IQUB: variants seen among roughly 807,000 people sequenced by gnomAD.
IQUB encodes the protein IQ motif and ubiquitin-like domain-containing protein.
Under a neutral mutation model 86.4 loss-of-function variants are expected in IQUB, and 86 were observed. That is an observed-to-expected ratio of 1.00 (90% CI 0.84 to 1.19). IQUB has a LOEUF of 1.19. Among genes scored for constraint, IQUB ranks in the 50% most tolerant of loss-of-function variants. The pLI is 0.00. For missense variants in IQUB, 946 were observed against 916.9 expected, an observed-to-expected ratio of 1.03 and a Z score of -0.41; for synonymous variants, 289 against 304.5, an observed-to-expected ratio of 0.95 and a Z score of 0.53.
Position 123,523,251 on chromosome 7 carries a change from A to C in IQUB, c.-4-10907T>G, listed in dbSNP as rs367987506. Among the ~76,000 whole-genome samples the C allele has an allele frequency of 4.8e-5, 7 of 144,460 alleles. No homozygotes were observed. The South Asian group carries it at 1.5e-3, about 32-fold the overall frequency. 94.8% of individuals were successfully genotyped at this position (144,460 alleles called of 152,430 possible). On this transcript the variant is annotated intron_variant, in intron 1 of 12. Coordinates refer to ENST00000324698, the MANE Select transcript of IQUB (RefSeq NM_178827.5). ...GGATGGCTGGGTCAATGGTATTTCTAGTTCTAGATCCCTGAGGAATCGCCA... is the reference window on the plus strand; with the variant it reads ...GGATGGCTGGGTCAATGGTATTTCTCGTTCTAGATCCCTGAGGAATCGCCA...
At chr7:123,472,595 T>C (rs2117036251) in intron 8 of IQUB, among the ~76,000 whole-genome samples, 1 of 152,296 alleles carries the variant, frequency 6.6e-6, no homozygotes, top group African/African-American at 2.4e-5. Context: ...AACTAGGAGT[T>C]AGCCAGATTA....
intron 8 of IQUB, among the ~76,000 whole-genome samples, chr7:123,478,332 A>G (rs979387014): frequency 6.6e-6 from 1 of 152,080 alleles, no homozygotes; most frequent in Non-Finnish European, 1.5e-5. Context: ...ACAAAAAACC[A>G]AACACCACAT....
intron 10 of IQUB, among the ~76,000 whole-genome samples, chr7:123,463,298 C>T (rs117546089): frequency 0.018 from 2,769 of 151,638 alleles, 36 homozygotes; most frequent in Middle Eastern, 0.048. Flanking sequence ...AGGAATTTAC[C>T]CCAAAACAAT....
chr7:123,504,494 G>A (rs943420585), intron 3 of IQUB, among the ~76,000 whole-genome samples: 3 of 152,052 alleles, frequency 2.0e-5, no homozygotes, highest in African/African-American at 7.2e-5. Context: ...CATTCCACAG[G>A]CTGTATGGGA....
intron 7 of IQUB, among the ~76,000 whole-genome samples, chr7:123,484,093 A>G (rs1795117014): frequency 6.6e-6 from 1 of 152,070 alleles, no homozygotes; most frequent in Non-Finnish European, 1.5e-5. Flanking sequence ...CATCTTGGTC[A>G]GGTCTAACAC....
intron 8 of IQUB, among the ~76,000 whole-genome samples, chr7:123,476,108 T>C (rs1260258577): frequency 1.3e-5 from 2 of 152,186 alleles, no homozygotes; most frequent in East Asian, 3.9e-4. Context: ...AGAACTGTGC[T>C]AAGATATGAG....
chr7:123,526,624 C>T (rs866674237), intron 1 of IQUB, among the ~76,000 whole-genome samples: 11 of 151,296 alleles, frequency 7.3e-5, no homozygotes, highest in Admixed American at 2.0e-4. Context: ...CTGAATACAG[C>T]ACACTGATGG....
chr7:123,466,479 ATCTCTGTCTTTCAAGGTGGG>A (rs1346045000), intron 9 of IQUB, among the ~76,000 whole-genome samples: 2 of 151,936 alleles, frequency 1.3e-5, no homozygotes, highest in Admixed American at 1.3e-4. Context: ...CTCCCTACCT[ATCTCTGTCTTTCAAGGTGGG>A]TCACTACACA....
chr7:123,495,744 C>G (rs1795684079), intron 7 of IQUB, among the ~76,000 whole-genome samples: 1 of 152,130 alleles, frequency 6.6e-6, no homozygotes, highest in Non-Finnish European at 1.5e-5. Flanking sequence ...AAGCTAGAGA[C>G]AGTTGCATTA....
chr7:123,489,528 G>A (rs1554357763), intron 7 of IQUB, among the ~76,000 whole-genome samples: 2 of 151,390 alleles, frequency 1.3e-5, no homozygotes, highest in Non-Finnish European at 2.9e-5. Context: ...TACTAAAATG[G>A]AAAAAATATT....
Position 123,469,304 on chromosome 7 carries a change from C to T in IQUB, c.1491G>A (p.Glu497=), listed in dbSNP as rs1184989392. The change falls in exon 9 of 13, where the codon GAG becomes GAA. Residue 497 remains glutamate, a synonymous_variant. Coordinates refer to ENST00000324698, the MANE Select transcript of IQUB (RefSeq NM_178827.5). ...TAATGCACTTATAGATATTTTGCAG[C>T]TCTCTGGCTCTGATGGTGAACTGCG... is the stretch of plus-strand genomic sequence containing the variant. ...MDTQFTIRAR[E]LQNIYKCIML... is the part of the protein sequence containing the mutation. 3 of 1,609,776 alleles carry T rather than the reference C, an allele frequency of 1.9e-6. No individual in the cohort carries two copies. Among genetic ancestry groups the T allele is most frequent in the African/African-American group, 2.7e-5 (2 of 74,830 alleles).
chr7:123,463,424 G>A (rs1262202124), intron 10 of IQUB, among the ~76,000 whole-genome samples: 2 of 151,668 alleles, frequency 1.3e-5, no homozygotes, highest in Non-Finnish European at 1.5e-5. Flanking sequence ...AAGAACTCTT[G>A]TATATCCAGA....
In IQUB at chr7:123,479,959, C is replaced by A; in HGVS notation, c.1246G>T (p.Glu416Ter). 1 of 1,608,052 alleles carries A rather than the reference C, an allele frequency of 6.2e-7. No individual in the cohort carries two copies. Among genetic ancestry groups the A allele is most frequent in the Non-Finnish European group, 8.5e-7 (1 of 1,178,022 alleles). The change falls in exon 8 of 13, where the codon GAA (glutamate) becomes TAA (stop). Residue 416 changes from glutamate (E) to a stop codon, truncating the protein, a stop_gained. Coordinates refer to ENST00000324698, the MANE Select transcript of IQUB (RefSeq NM_178827.5). LOFTEE classifies it high-confidence loss of function. ...LYNALEFWRQ[E>*]ELTRINQSFT... ...GATTGGTTAATACGTGTAAGTTCTT[C>A]TTGCCGCCAGACTAGAGGAATAACA...
At chr7:123,473,574 GT>G (rs930834540) in intron 8 of IQUB, among the ~76,000 whole-genome samples, 1 of 150,912 alleles carries the variant, frequency 6.6e-6, no homozygotes, top group African/African-American at 2.4e-5. Context: ...TTGTTTTTTT[GT>G]TTTTTGTTTT....
intron 8 of IQUB, among the ~76,000 whole-genome samples, chr7:123,475,292 C>T (rs1490158717): frequency 6.7e-6 from 1 of 148,432 alleles, no homozygotes; most frequent in East Asian, 2.0e-4. Context: ...AAAGTATTTA[C>T]AAAAAAACAA....
rs745426564 is a variant in IQUB at position 123,464,988 on chromosome 7, G to C, written c.1603C>G (p.Gln535Glu). Residue 535 changes from glutamine to glutamate, a missense_variant, in exon 10 of 13, where the codon CAG (glutamine) becomes GAG (glutamate). Transcript: ENST00000324698. The part of the protein sequence containing the change: ...TVKEHECKLT[Q>E]EILELIDREV... ...CTGTCAATCAATTCTAGAATTTCCTGAGTTAGTTTACATTCATGTTCCTAT... is the reference window on the plus strand; with the variant it reads ...CTGTCAATCAATTCTAGAATTTCCTCAGTTAGTTTACATTCATGTTCCTAT... 1.0e-5 allele frequency: 16 copies of C among 1,590,272 alleles called. No individual in the cohort carries two copies. The highest frequency in any genetic ancestry group is 1.3e-5 in the Non-Finnish European group (15 of 1,169,000).
At chr7:123,495,207 G>C (rs760229635) in intron 7 of IQUB, among the ~76,000 whole-genome samples, 1 of 152,016 alleles carries the variant, frequency 6.6e-6, no homozygotes, top group African/African-American at 2.4e-5. Flanking sequence ...ATTCTAGGGA[G>C]CAGGCTTAAC....
At chr7:123,491,793 A>T (rs527970054) in intron 7 of IQUB, among the ~76,000 whole-genome samples, 2 of 152,356 alleles carry the variant, frequency 1.3e-5, no homozygotes, top group African/African-American at 4.8e-5. Flanking sequence ...CTGTTTTAGA[A>T]AATTGAAGAG....
intron 7 of IQUB, among the ~76,000 whole-genome samples, chr7:123,493,596 T>C (rs946104359): frequency 6.6e-6 from 1 of 152,088 alleles, no homozygotes; most frequent in Non-Finnish European, 1.5e-5. Flanking sequence ...AAAACTCTGA[T>C]ACTCTTTCAT....
Sources: allele counts gnomAD v4.1 joint callset (sites outside exome capture counted in the v4.1 genomes callset), GRCh38; gene constraint gnomAD v4.1.1; transcripts MANE v1.5; gene names NCBI Gene and HGNC (gene_info 2026-07-23, HGNC 2026-07-21).